The following IHO1 variants were observed in gnomAD, a reference collection of about 807,000 sequenced individuals.
The protein encoded by IHO1 is interactor of HORMAD1 1.
In IHO1, 13 loss-of-function variants were observed where a neutral mutation model predicts 31.0. That is an observed-to-expected ratio of 0.42 (90% CI 0.27 to 0.67). The LOEUF is 0.67. Ranked by LOEUF, IHO1 falls within the 30% of genes least tolerant of loss-of-function variation. The pLI, the probability that IHO1 is intolerant of heterozygous loss-of-function variation, is 0.24. For synonymous variants in IHO1, 221 were observed against 248.4 expected, an observed-to-expected ratio of 0.89 and a Z score of 1.04; for missense variants, 599 against 687.5, an observed-to-expected ratio of 0.87 and a Z score of 1.44.
intron 2 of IHO1, among the ~76,000 whole-genome samples, chr3:49,219,793 G>A (rs2046330989): frequency 6.6e-6 from 1 of 152,152 alleles, no homozygotes; most frequent in East Asian, 1.9e-4. Flanking sequence ...GAAGCATCAG[G>A]GTAACAATGG....
At chr3:49,234,160 TTG>T (rs1491332710) in intron 2 of IHO1, among the ~76,000 whole-genome samples, 7 of 115,712 alleles carry the variant, frequency 6.0e-5, no homozygotes, top group African/African-American at 2.2e-4. Context: ...TCTTTTGTTG[TTG>T]TTTTTTTTTT....
chr3:49,197,421 A>C (rs1432034155), upstream of IHO1, among the ~76,000 whole-genome samples: 2 of 152,068 alleles, frequency 1.3e-5, no homozygotes, highest in Admixed American at 6.6e-5. Context: ...TTGGCCTCCC[A>C]AAGTTCTGGG....
At chr3:49,222,509 G>GA (rs1487858094) in intron 2 of IHO1, among the ~76,000 whole-genome samples, 1 of 152,102 alleles carries the variant, frequency 6.6e-6, no homozygotes, top group African/African-American at 2.4e-5. Flanking sequence ...AAGGAAGATA[G>GA]AAAAAAGGTT....
chr3:49,214,732 T>C (rs1465456525), intron 2 of IHO1, among the ~76,000 whole-genome samples: 1 of 142,242 alleles, frequency 7.0e-6, no homozygotes, highest in African/African-American at 2.6e-5. Flanking sequence ...CTTCACCTCC[T>C]GGGTTCAAGC....
At chr3:49,209,561 G>A (rs1022804300) in intron 1 of IHO1, among the ~76,000 whole-genome samples, 7 of 151,454 alleles carry the variant, frequency 4.6e-5, no homozygotes, top group African/African-American at 1.2e-4. Context: ...GCTTGAGCCC[G>A]GGAGGCAGCG....
intron 6 of IHO1, among the ~76,000 whole-genome samples, chr3:49,245,949 C>T (rs574333558): frequency 4.0e-5 from 6 of 148,492 alleles, no homozygotes; most frequent in South Asian, 2.2e-4. Context: ...TTTGGGAGGC[C>T]GAGGCGGGCA....
At chr3:49,194,292 G>GTATATATATATATATA (rs141683116), upstream of IHO1, among the ~76,000 whole-genome samples, 12 of 120,174 alleles carry the variant, frequency 1.0e-4, no homozygotes, top group African/African-American at 3.6e-4. Flanking sequence ...AGTACAAAGT[G>GTATATATATATATATA]TATATATATA....
intron 6 of IHO1, among the ~76,000 whole-genome samples, chr3:49,248,176 A>G (rs897926794): frequency 7.3e-5 from 11 of 150,492 alleles, no homozygotes; most frequent in Non-Finnish European, 1.5e-4. Context: ...TAATCCCAGC[A>G]CTTTGGGAGG....
In IHO1 at chr3:49,256,238, G is replaced by T. The variant is rs1559454797; in HGVS notation, c.741G>T (p.Gln247His). The change falls in exon 8 of 8, where the codon CAG becomes CAT. Residue 247 changes from glutamine (Q) to histidine (H), a missense_variant. Gln to His is a conservative substitution (Grantham distance 24). Coordinates refer to ENST00000452691, the MANE Select transcript of IHO1 (RefSeq NM_001135197.2). This position sits in a 1 kb window ranked among gnomAD's most constrained non-coding sequence, Gnocchi z 4.6. ...AGCAGCTGTGTGAGCAGCTAGGCCA[G>T]CTGAATGTGCCCAGTGTCCTAGCAG... ...EFQQLCEQLG[Q>H]LNVPSVLAEL... 6.2e-7 allele frequency: 1 copy of T among 1,614,210 alleles called. No homozygotes were observed. The highest frequency in any genetic ancestry group is 1.1e-5 in the South Asian group (1 of 91,086).
intron 4 of IHO1, among the ~76,000 whole-genome samples, chr3:49,243,534 G>A (rs922247756): frequency 9.2e-5 from 14 of 151,716 alleles, no homozygotes; most frequent in African/African-American, 3.1e-4. Flanking sequence ...CGAGGCAGGC[G>A]GATCACGAGG....
At chr3:49,217,568 A>G (rs1239429189) in intron 2 of IHO1, among the ~76,000 whole-genome samples, 1 of 151,990 alleles carries the variant, frequency 6.6e-6, no homozygotes, top group Non-Finnish European at 1.5e-5. Context: ...GGTGCAGCAA[A>G]CCAACATGGC....
At chr3:49,207,461 G>T (rs2046153838) in intron 1 of IHO1, among the ~76,000 whole-genome samples, 2 of 151,910 alleles carry the variant, frequency 1.3e-5, no homozygotes, top group Admixed American at 1.3e-4. Flanking sequence ...GGCCTGGAGG[G>T]TCTCAATCTT....
At chr3:49,241,703 C>A (rs1163073726) in intron 4 of IHO1, among the ~76,000 whole-genome samples, 1 of 152,096 alleles carries the variant, frequency 6.6e-6, no homozygotes, top group Non-Finnish European at 1.5e-5. Context: ...TCACTGCAAC[C>A]TCTGCCTCCC....
upstream of IHO1, among the ~76,000 whole-genome samples, chr3:49,194,820 C>G (rs766597113): frequency 1.3e-5 from 2 of 151,920 alleles, no homozygotes; most frequent in South Asian, 4.2e-4. Context: ...TGCTTGACCC[C>G]GGGAGGGCGA....
chr3:49,244,989 C>A, intron 6 of IHO1: 1 of 594,062 alleles, frequency 1.7e-6, no homozygotes, highest in Non-Finnish European at 3.0e-6. Flanking sequence ...CATGTTGCCT[C>A]AGGGCAGGTA....
Position 49,234,231 on chromosome 3 carries a change from G to A in IHO1, c.57-2317G>A, listed in dbSNP as rs1413242251. On this transcript the variant is annotated intron_variant, in intron 2 of 7. Coordinates refer to ENST00000452691, the MANE Select transcript of IHO1 (RefSeq NM_001135197.2). The stretch of plus-strand genomic sequence containing the variant: ...CTCTCACCAGGCTGGAGTGCAGTGT[G>A]GCACAATCTTATCTCACTGCAACCT... Among the ~76,000 whole-genome samples the A allele has an allele frequency of 2.8e-5, 4 of 141,670 alleles. No individual in the cohort carries two copies. In the South Asian group the frequency reaches 9.1e-4, roughly 32 times the overall value. 92.9% of individuals were successfully genotyped at this position (141,670 alleles called of 152,430 possible).
intron 3 of IHO1, among the ~76,000 whole-genome samples, chr3:49,239,233 A>C (rs1361931498): frequency 6.6e-6 from 1 of 151,874 alleles, no homozygotes; most frequent in Non-Finnish European, 1.5e-5. Flanking sequence ...TGGCCTCCCA[A>C]AGTGCTGGGA....
At chr3:49,244,348 A>G (rs1176299630) in intron 4 of IHO1, 56 bp from the exon 5 acceptor site, 1 of 1,026,582 alleles carries the variant, frequency 9.7e-7, no homozygotes, top group Non-Finnish European at 1.5e-6. Context: ...CATTTATGTT[A>G]CTTATCACTT....
At chr3:49,248,810 G>A (rs2046726888) in intron 6 of IHO1, among the ~76,000 whole-genome samples, 1 of 152,170 alleles carries the variant, frequency 6.6e-6, no homozygotes, top group South Asian at 2.1e-4. Context: ...TTGAAAATGA[G>A]CACAAGTAGC....
Sources: gnomAD v4.1 joint callset for allele counts (sites outside exome capture counted in the v4.1 genomes callset) on GRCh38, gnomAD v4.1.1 for gene constraint, Gnocchi (gnomAD v3.1) non-coding constraint, MANE v1.5 for transcripts, NCBI Gene and HGNC (gene_info 2026-07-23, HGNC 2026-07-21) for gene names.